The following UTRN variants were observed in gnomAD, a reference collection of about 807,000 sequenced individuals.
The protein encoded by UTRN is dystrophin-related protein 1.
UTRN carries 283 observed loss-of-function variants against 463.9 expected under a neutral mutation model. That is an observed-to-expected ratio of 0.61 (90% CI 0.55 to 0.67). The LOEUF (loss-of-function observed/expected upper bound fraction) is 0.67. Ranked by LOEUF, UTRN falls within the 30% of genes least tolerant of loss-of-function variation. The probability of loss-of-function intolerance (pLI) is 0.00; values close to 1 mark genes in which losing one functional copy is unlikely to be tolerated. For synonymous variants in UTRN, 1,442 were observed against 1,431.5 expected (o/e 1.01, Z -0.17); for missense variants, 3,922 against 4,084.3 (o/e 0.96, Z 1.08).
At chr6:144,740,400 T>G (rs1012853190) in intron 54 of UTRN, among the ~76,000 whole-genome samples, 1 of 152,234 alleles carries the variant, frequency 6.6e-6, no homozygotes, top group Non-Finnish European at 1.5e-5. Context: ...TTCACTGATT[T>G]CCTAACACCG....
chr6:144,768,931 T>C (rs1490946356), intron 58 of UTRN, among the ~76,000 whole-genome samples: 1 of 150,600 alleles, frequency 6.6e-6, no homozygotes. Context: ...TAACTGTTAA[T>C]TGCTACTTTG....
chr6:144,501,225 C>A (rs1794148743), intron 34 of UTRN, among the ~76,000 whole-genome samples: 1 of 152,188 alleles, frequency 6.6e-6, no homozygotes, highest in South Asian at 2.1e-4. Flanking sequence ...CATTGCAAGT[C>A]ATCGGTGTGT....
At chr6:144,765,909 C>G (rs1003045459) in intron 58 of UTRN, among the ~76,000 whole-genome samples, 1 of 151,862 alleles carries the variant, frequency 6.6e-6, no homozygotes, top group Non-Finnish European at 1.5e-5. Flanking sequence ...GAAATTCTGA[C>G]CTCCACGCTT....
chr6:144,649,051 A>G (rs1320696543), intron 51 of UTRN, among the ~76,000 whole-genome samples: 1 of 152,230 alleles, frequency 6.6e-6, no homozygotes, highest in Non-Finnish European at 1.5e-5. Flanking sequence ...GGGTAACAGT[A>G]CAGCATAATG....
intron 52 of UTRN, among the ~76,000 whole-genome samples, chr6:144,684,120 G>T (rs1346098039): frequency 6.6e-6 from 1 of 150,672 alleles, no homozygotes; most frequent in Non-Finnish European, 1.5e-5. Context: ...CACGATCTTG[G>T]CTCACTGCAA....
chr6:144,619,211 AT>A (rs1227657146), intron 51 of UTRN, among the ~76,000 whole-genome samples: 20 of 152,162 alleles, frequency 1.3e-4, no homozygotes, highest in Admixed American at 1.1e-3. Flanking sequence ...CGATAAACAC[AT>A]TTTTAATATT....
intron 53 of UTRN, among the ~76,000 whole-genome samples, chr6:144,716,099 T>C (rs1249697165): frequency 2.0e-5 from 3 of 152,252 alleles, no homozygotes; most frequent in Non-Finnish European, 2.9e-5. Flanking sequence ...TATGCCTTGA[T>C]ATTGTAGTCA....
At chr6:144,737,710 ACCAAGTTCACAACTTTGTCAGTAGT>A (rs1336361059) in intron 54 of UTRN, among the ~76,000 whole-genome samples, 1 of 152,260 alleles carries the variant, frequency 6.6e-6, no homozygotes, top group Non-Finnish European at 1.5e-5. Flanking sequence ...TAGAAATTTT[ACCAAGTTCACAACTTTGTCAGTAGT>A]CCCTGACTTT....
intron 3 of UTRN, among the ~76,000 whole-genome samples, chr6:144,404,096 G>A (rs1362055576): frequency 1.3e-5 from 2 of 152,200 alleles, no homozygotes; most frequent in Non-Finnish European, 2.9e-5. Flanking sequence ...TTGAGTAGCA[G>A]CATAGTTTAA....
chr6:144,386,656 A>C (rs1223596072), intron 2 of UTRN, among the ~76,000 whole-genome samples: 2 of 152,172 alleles, frequency 1.3e-5, no homozygotes, highest in Non-Finnish European at 2.9e-5. Context: ...CCATGGGAAG[A>C]AATTTTTAGC....
intron 53 of UTRN, among the ~76,000 whole-genome samples, chr6:144,704,970 C>CA (rs1285727657): frequency 4.6e-5 from 7 of 152,052 alleles, no homozygotes; most frequent in African/African-American, 7.2e-5. Context: ...CAAAAACAAA[C>CA]AAAAAAACCC....
intron 3 of UTRN, among the ~76,000 whole-genome samples, chr6:144,411,685 C>T (rs975757760): frequency 3.3e-5 from 5 of 152,072 alleles, no homozygotes; most frequent in African/African-American, 4.8e-5. Flanking sequence ...TTTACTGATT[C>T]GGAGTGTTCT....
chr6:144,440,364 G>C lies in UTRN; in HGVS notation c.1405G>C (p.Asp469His), dbSNP rs1787028715. 8.1e-6 allele frequency: 13 copies of C among 1,614,056 alleles called. No individual in the cohort carries two copies. Among genetic ancestry groups the C allele is most frequent in the Non-Finnish European group, 1.0e-5 (12 of 1,180,028 alleles). ...TTTTTTTCTCTAGAGTTTGCAAAGTGATCTTGAGGCTGAACAGGTGAAAGT... is the reference window on the plus strand; with the variant it reads ...TTTTTTTCTCTAGAGTTTGCAAAGTCATCTTGAGGCTGAACAGGTGAAAGT... ...LLEEHKSLQS[D>H]LEAEQVKVNS... Residue 469 changes from aspartate (D) to histidine (H), a missense_variant, in exon 13 of 75, where the codon GAT (aspartate) becomes CAT (histidine). Coordinates refer to ENST00000367545, the MANE Select transcript of UTRN (RefSeq NM_007124.3).
chr6:144,522,947 C>A, intron 40 of UTRN, 69 bp from the exon 41 acceptor site: 1 of 1,131,434 alleles, frequency 8.8e-7, no homozygotes, highest in Non-Finnish European at 1.2e-6. Context: ...ATATAAATAT[C>A]TGGTCATCTG....
At chr6:144,607,396 C>T (rs911089248) in intron 51 of UTRN, among the ~76,000 whole-genome samples, 7 of 152,302 alleles carry the variant, frequency 4.6e-5, no homozygotes, top group Admixed American at 3.9e-4. Flanking sequence ...TAACTTTGTT[C>T]ATCTCAATAT....
chr6:144,807,672 A>C (rs777780097), intron 65 of UTRN, among the ~76,000 whole-genome samples: 11 of 152,082 alleles, frequency 7.2e-5, no homozygotes, highest in Non-Finnish European at 1.5e-4. Context: ...CAGCTCCTCC[A>C]GTTTTACCCT....
At chr6:144,638,806 T>C (rs957655547) in intron 51 of UTRN, among the ~76,000 whole-genome samples, 1 of 152,166 alleles carries the variant, frequency 6.6e-6, no homozygotes, top group Non-Finnish European at 1.5e-5. Context: ...CTTATAATCC[T>C]TTTAGAAGGC....
chr6:144,729,563 C>T (rs9497062), intron 53 of UTRN, among the ~76,000 whole-genome samples: 2,196 of 152,266 alleles, frequency 0.014, 53 homozygotes, highest in African/African-American at 0.05. Context: ...AGGATAACAA[C>T]ATTAACAAAT....
At chr6:144,555,995 A>T (rs1420383574) in intron 49 of UTRN, among the ~76,000 whole-genome samples, 1 of 152,200 alleles carries the variant, frequency 6.6e-6, no homozygotes, top group African/African-American at 2.4e-5. Flanking sequence ...GTAATAGCAG[A>T]CATCTTTTTT....
Sources: gnomAD v4.1 joint callset for allele counts (sites outside exome capture counted in the v4.1 genomes callset) on GRCh38, gnomAD v4.1.1 for gene constraint, MANE v1.5 for transcripts, NCBI Gene and HGNC (gene_info 2026-07-23, HGNC 2026-07-21) for gene names.